CBX1: variants seen among roughly 807,000 people sequenced by gnomAD.
CBX1 encodes chromobox 1, also known as chromobox protein homolog 1.
CBX1 carries 10 observed loss-of-function variants against 25.1 expected under a neutral mutation model. That is an observed-to-expected ratio of 0.40 (90% CI 0.25 to 0.68). CBX1 has a LOEUF of 0.68. CBX1 is among the 30% of genes least tolerant of loss of function. CBX1 has a pLI of 0.40. For missense variants in CBX1, 106 were observed against 218.5 expected, an observed-to-expected ratio of 0.49 and a Z score of 3.25; for synonymous variants, 63 against 79.4, an observed-to-expected ratio of 0.79 and a Z score of 1.10.
chr17:48,090,408 C>T (rs2063338292), intron 1 of CBX1, among the ~76,000 whole-genome samples: 1 of 152,090 alleles, frequency 6.6e-6, no homozygotes, highest in African/African-American at 2.4e-5. Flanking sequence ...GTACTCAAGA[C>T]AAAAATATGG....
At chr17:48,092,772 G>A (rs1427729254) in intron 1 of CBX1, among the ~76,000 whole-genome samples, 4 of 151,008 alleles carry the variant, frequency 2.6e-5, no homozygotes, top group African/African-American at 9.7e-5. Flanking sequence ...ATCTCTAAAA[G>A]ATTAATTAAT....
intron 1 of CBX1, among the ~76,000 whole-genome samples, chr17:48,078,279 G>A (rs1264534413): frequency 6.6e-6 from 1 of 151,334 alleles, no homozygotes; most frequent in African/African-American, 2.4e-5. Context: ...TGCAAGCTCC[G>A]CCTCCTGGGT....
At chr17:48,080,316 G>A (rs961658958) in intron 1 of CBX1, among the ~76,000 whole-genome samples, 10 of 152,102 alleles carry the variant, frequency 6.6e-5, no homozygotes, top group African/African-American at 1.7e-4. Context: ...GAATTAACAG[G>A]CATGAGCTAC....
intron 4 of CBX1, among the ~76,000 whole-genome samples, chr17:48,073,287 G>A (rs920099206): frequency 1.3e-5 from 2 of 152,062 alleles, no homozygotes; most frequent in Admixed American, 6.6e-5. Context: ...GTCCCATAGA[G>A]CAGAAGAGTA....
chr17:48,077,810 C>T (rs977858169), intron 1 of CBX1, among the ~76,000 whole-genome samples: 1 of 152,004 alleles, frequency 6.6e-6, no homozygotes, highest in African/African-American at 2.4e-5. Flanking sequence ...AGCAAGACTC[C>T]ATCTTCACAA....
chr17:48,077,075 G>A, intron 1 of CBX1, 34 bp from the exon 2 acceptor site: 1 of 1,520,530 alleles, frequency 6.6e-7, no homozygotes, highest in East Asian at 2.3e-5. Context: ...AGGGCATTAG[G>A]GAGCACTCTT....
chr17:48,095,697 G>A (rs1302515928), intron 1 of CBX1: 1 of 152,236 alleles, frequency 6.6e-6, no homozygotes, highest in Non-Finnish European at 1.5e-5. Context: ...TTTGTTGAAA[G>A]AATCAGCAAC....
chr17:48,075,177 G>T, intron 3 of CBX1, 77 bp from the exon 4 acceptor site: 5 of 907,676 alleles, frequency 5.5e-6, no homozygotes, highest in Non-Finnish European at 8.9e-6. Flanking sequence ...CTGTGTCTCT[G>T]ATTAATGTAA....
intron 4 of CBX1, 63 bp downstream of exon 4, chr17:48,074,943 C>T: frequency 8.6e-7 from 1 of 1,157,548 alleles, no homozygotes; most frequent in Non-Finnish European, 1.3e-6. Flanking sequence ...AGCTCTTTTC[C>T]TCTGGCATGA....
intron 1 of CBX1, chr17:48,100,945 C>T (rs1416389250): frequency 1.0e-6 from 1 of 986,374 alleles, no homozygotes; most frequent in African/African-American, 1.7e-5. Flanking sequence ...CCGCCCTATC[C>T]CGCAGCCGCC....
intron 1 of CBX1, chr17:48,100,788 C>G (rs1407466512): frequency 2.0e-6 from 2 of 985,400 alleles, no homozygotes; most frequent in South Asian, 9.4e-5. Flanking sequence ...CCAATTCACT[C>G]GACGTTACTC....
At chr17:48,101,042 C>T (rs2063407177) in intron 1 of CBX1, 2 of 985,702 alleles carry the variant, frequency 2.0e-6, no homozygotes, top group Admixed American at 6.1e-5. Context: ...CAGTCTCTGG[C>T]TCAGGATTCG....
chr17:48,075,197 CTTTT>C, intron 3 of CBX1, 97 bp from the exon 4 acceptor site: 101 of 637,110 alleles, frequency 1.6e-4, no homozygotes, highest in South Asian at 2.0e-4. Flanking sequence ...ATCACAAACT[CTTTT>C]TTTTTTTTTT....
At chr17:48,094,339 C>A (rs981460137) in intron 1 of CBX1, among the ~76,000 whole-genome samples, 2 of 150,340 alleles carry the variant, frequency 1.3e-5, no homozygotes, top group African/African-American at 4.9e-5. Context: ...GAGGCTAAAG[C>A]AGGAGAATTC....
At chr17:48,073,762 G>A (rs2144427034) in intron 4 of CBX1, among the ~76,000 whole-genome samples, 1 of 148,398 alleles carries the variant, frequency 6.7e-6, no homozygotes, top group Non-Finnish European at 1.5e-5. Flanking sequence ...GAGGGGCGGA[G>A]GTTGCAGTGA....
At chr17:48,095,483 G>C (rs1164750303) in intron 1 of CBX1, among the ~76,000 whole-genome samples, 1 of 152,052 alleles carries the variant, frequency 6.6e-6, no homozygotes, top group Non-Finnish European at 1.5e-5. Flanking sequence ...CAGCTACCTG[G>C]GAGGCTGAGG....
intron 1 of CBX1, among the ~76,000 whole-genome samples, chr17:48,081,520 C>A (rs1046556264): frequency 6.6e-6 from 1 of 152,190 alleles, no homozygotes. Context: ...CTCACTGCAA[C>A]CTTCACCTCC....
At chr17:48,082,551 A>AT (rs2037750180) in intron 1 of CBX1, among the ~76,000 whole-genome samples, 1 of 132,098 alleles carries the variant, frequency 7.6e-6, no homozygotes, top group African/African-American at 2.9e-5. Context: ...AATTTTATTT[A>AT]TTTTTTTGAG....
At chr17:48,089,460 C>T (rs1425666202) in intron 1 of CBX1, among the ~76,000 whole-genome samples, 1 of 41,098 alleles carries the variant, frequency 2.4e-5, no homozygotes, top group Non-Finnish European at 4.9e-5. Context: ...TGGATAAAAG[C>T]TACTGCTGTA....
Sources: allele counts gnomAD v4.1 joint callset (sites outside exome capture counted in the v4.1 genomes callset), GRCh38; gene constraint gnomAD v4.1.1; transcripts MANE v1.5; gene names NCBI Gene and HGNC (gene_info 2026-07-23, HGNC 2026-07-21).